FHDC1: variants seen among roughly 807,000 people sequenced by gnomAD.
FHDC1 encodes FH2 domain containing 1.
In FHDC1, 25 loss-of-function variants were observed where a neutral mutation model predicts 52.6. The observed-to-expected ratio is 0.48, with a 90% CI of 0.35 to 0.66. FHDC1 has a LOEUF of 0.66. FHDC1 is among the 30% of genes least tolerant of loss of function. The pLI, the probability that FHDC1 is intolerant of heterozygous loss-of-function variation, is 0.01. For missense variants in FHDC1, 1,459 were observed against 1,452.8 expected (o/e 1.00, Z -0.07); for synonymous variants, 616 against 581.5 (o/e 1.06, Z -0.85).
intron 4 of FHDC1, among the ~76,000 whole-genome samples, chr4:152,955,849 C>T (rs1432369760): frequency 6.6e-6 from 1 of 152,206 alleles, no homozygotes; most frequent in East Asian, 1.9e-4. Flanking sequence ...TGACTTCTCC[C>T]TCCCCTTTCC....
chr4:152,926,690 CT>C, the FHDC1 span, among the ~76,000 whole-genome samples: 2 of 149,556 alleles, frequency 1.3e-5, no homozygotes, highest in African/African-American at 2.5e-5. Flanking sequence ...TTCTTTTTCC[CT>C]TTTTTTCTTT....
In FHDC1 at chr4:152,953,505, A is replaced by G; in HGVS notation, c.505A>G (p.Ile169Val). 1 of 1,611,736 alleles carries G rather than the reference A, an allele frequency of 6.2e-7. No homozygotes were observed. The highest frequency in any genetic ancestry group is 8.5e-7 in the Non-Finnish European group (1 of 1,179,356). ...TCCTTATTTTTTTTTCCAGATTACT[A>G]TTTTGGATGCAAAACGGAGCATGAA... ...SFREAREEIT[I>V]LDAKRSMNIG... The change falls in exon 3 of 12, where the codon ATT (isoleucine) becomes GTT (valine). Residue 169 changes from isoleucine (I) to valine (V), a missense_variant. Transcript: ENST00000511601.
the FHDC1 span, among the ~76,000 whole-genome samples, chr4:152,916,137 A>C: frequency 3.3e-5 from 3 of 89,934 alleles, no homozygotes; most frequent in Non-Finnish European, 7.3e-5. Flanking sequence ...AGTCCATCAC[A>C]AAAGAAAAAA....
chr4:152,918,592 C>G, the FHDC1 span: 1 of 152,226 alleles, frequency 6.6e-6, no homozygotes, highest in Non-Finnish European at 1.5e-5. Context: ...TCCTCTTTGC[C>G]TGATCACTTT....
At chr4:152,918,577 C>A in the FHDC1 span, 1 of 152,136 alleles carries the variant, frequency 6.6e-6, no homozygotes, top group South Asian at 2.1e-4. Context: ...TGCTTCAATT[C>A]TCAGTCCTCT....
the FHDC1 span, among the ~76,000 whole-genome samples, chr4:152,931,025 T>TCC: frequency 2.0e-4 from 30 of 147,324 alleles, no homozygotes; most frequent in African/African-American, 7.5e-4. Flanking sequence ...TCTCTCTCTC[T>TCC]AATATTGTTG....
At chr4:152,938,056 C>T (rs1264555897) in intron 1 of FHDC1, among the ~76,000 whole-genome samples, 6 of 152,344 alleles carry the variant, frequency 3.9e-5, no homozygotes, top group African/African-American at 1.4e-4. Flanking sequence ...GGTTTTCAAA[C>T]TTCCGTGTGG....
chr4:152,935,800 G>C (rs1000861278), upstream of FHDC1, among the ~76,000 whole-genome samples: 3 of 151,880 alleles, frequency 2.0e-5, no homozygotes, highest in Non-Finnish European at 4.4e-5. Context: ...GCAGAGGGTG[G>C]TCTGGCGCGT....
Position 152,960,636 on chromosome 4 carries a change from A to G in FHDC1, c.735A>G (p.Leu245=). 1 of 1,614,142 alleles carries G rather than the reference A, an allele frequency of 6.2e-7. No homozygotes were observed. The highest frequency in any genetic ancestry group is 1.6e-4 in the Middle Eastern group (1 of 6,062). Residue 245 remains leucine, a synonymous_variant, in exon 5 of 12, where the codon TTA becomes TTG. Coordinates refer to ENST00000511601, the MANE Select transcript of FHDC1 (RefSeq NM_001371116.1). Reference sequence around the variant, plus strand: ...TGGCAGATTCCTTTCTGTATGGCTTAATTCAGGTGCCAAAGTAAGGATACA... The same window carrying G: ...TGGCAGATTCCTTTCTGTATGGCTTGATTCAGGTGCCAAAGTAAGGATACA... ...LSLADSFLYG[L]IQVPNYSLRI... is the part of the protein sequence containing the mutation.
the FHDC1 span, among the ~76,000 whole-genome samples, chr4:152,924,024 A>C: frequency 2.6e-5 from 4 of 151,120 alleles, no homozygotes; most frequent in Non-Finnish European, 4.5e-5. Flanking sequence ...AATTAAACTA[A>C]AGAGCTTCTG....
chr4:152,955,881 T>TGTATGTAG (rs1740070061), intron 4 of FHDC1, among the ~76,000 whole-genome samples: 2 of 152,344 alleles, frequency 1.3e-5, no homozygotes, highest in African/African-American at 4.8e-5. Flanking sequence ...CCAGACATAA[T>TGTATGTAG]GTATGTAGCT....
chr4:152,971,113 T>C (rs567058043), intron 10 of FHDC1, among the ~76,000 whole-genome samples: 1 of 152,308 alleles, frequency 6.6e-6, no homozygotes, highest in South Asian at 2.1e-4. Context: ...CTTACCCCTG[T>C]AATCCCAGCA....
At chr4:152,913,947 C>T in the FHDC1 span, among the ~76,000 whole-genome samples, 2 of 152,172 alleles carry the variant, frequency 1.3e-5, no homozygotes, top group African/African-American at 4.8e-5. Context: ...TCCCAAAGTG[C>T]TGGGATTACG....
intron 1 of FHDC1, among the ~76,000 whole-genome samples, chr4:152,942,433 A>G (rs1028966457): frequency 6.6e-5 from 10 of 152,160 alleles, no homozygotes; most frequent in African/African-American, 2.2e-4. Context: ...TTATTATATC[A>G]TCTCCAAATG....
chr4:152,935,567 T>C (rs1244965355), upstream of FHDC1, among the ~76,000 whole-genome samples: 5 of 151,966 alleles, frequency 3.3e-5, no homozygotes, highest in African/African-American at 4.8e-5. Context: ...TTTTGAGGGG[T>C]CTTTTTACGC....
rs569849693 is a variant in FHDC1 at position 152,952,042 on chromosome 4, CA to C, written c.499-1454del. 2.0e-5 allele frequency among the ~76,000 whole-genome samples: 3 copies of C among 152,016 alleles called. No homozygotes were observed. The South Asian group carries it at 6.2e-4, about 32-fold the overall frequency. On this transcript the variant is annotated intron_variant, in intron 2 of 11. Coordinates refer to ENST00000511601, the MANE Select transcript of FHDC1 (RefSeq NM_001371116.1). ...TCAGAAAAATGCAAAAACAAACAAA[CA>C]AACAAACAAAAAAGTATCTTATCCT...
chr4:152,973,258 C>A (rs1264452717), intron 11 of FHDC1, among the ~76,000 whole-genome samples: 1 of 152,186 alleles, frequency 6.6e-6, no homozygotes, highest in East Asian at 1.9e-4. Flanking sequence ...GTTGAGGAAG[C>A]AAAGCTCGTG....
intron 10 of FHDC1, among the ~76,000 whole-genome samples, chr4:152,971,398 A>C (rs1224576619): frequency 3.9e-5 from 6 of 152,100 alleles, no homozygotes; most frequent in African/African-American, 1.4e-4. Flanking sequence ...GTTCATTCTC[A>C]TGGGCTGTGG....
the FHDC1 span, among the ~76,000 whole-genome samples, chr4:152,926,267 GACACAC>G: frequency 2.7e-3 from 384 of 144,536 alleles, 5 homozygotes; most frequent in South Asian, 0.037. Context: ...TTAAAATACA[GACACAC>G]ACACACACAC....
Sources: gnomAD v4.1 joint callset for allele counts (sites outside exome capture counted in the v4.1 genomes callset) on GRCh38, gnomAD v4.1.1 for gene constraint, MANE v1.5 for transcripts, NCBI Gene and HGNC (gene_info 2026-07-23, HGNC 2026-07-21) for gene names.